The following HID1 variants were observed in gnomAD, a reference collection of about 807,000 sequenced individuals.
HID1 encodes the protein protein HID1.
Under a neutral mutation model 89.7 loss-of-function variants are expected in HID1, and 42 were observed. That is an observed-to-expected ratio of 0.47 (90% CI 0.37 to 0.61). HID1 has a LOEUF of 0.61. Ranked by LOEUF, HID1 falls within the 20% of genes least tolerant of loss-of-function variation. The probability of loss-of-function intolerance (pLI) is 0.00; values close to 1 mark genes in which losing one functional copy is unlikely to be tolerated. For synonymous variants in HID1, 442 were observed against 433.8 expected (o/e 1.02, Z -0.24); for missense variants, 854 against 1,039.3 (o/e 0.82, Z 2.45).
chr17:74,969,681 A>G (rs140321035), intron 1 of HID1, among the ~76,000 whole-genome samples: 3 of 152,106 alleles, frequency 2.0e-5, no homozygotes, highest in Admixed American at 6.5e-5. Flanking sequence ...AGCTCACCGT[A>G]ACCTTGAACT....
chr17:74,969,223 C>A (rs1393384351), intron 1 of HID1, among the ~76,000 whole-genome samples: 7 of 152,090 alleles, frequency 4.6e-5, no homozygotes, highest in Non-Finnish European at 1.0e-4. Context: ...GAGACCGAGT[C>A]TTGCTCTGTG....
At position 74,951,523 on chromosome 17, in the gene HID1, C is replaced by T. The variant is rs761504448; in HGVS notation, c.*47G>A. ...TGGTGGATGGGGGAAGCCTCAGGGA[C>T]CAAGGCCCTGCCTTCCCCTAGACTG... On this transcript the variant is annotated 3_prime_UTR_variant, in exon 19 of 19. Transcript: ENST00000425042. The T allele has an allele frequency of 1.9e-6, 3 of 1,555,796 alleles. No individual in the cohort carries two copies. In the South Asian group the frequency reaches 3.5e-5, roughly 18 times the overall value.
At position 74,959,774 on chromosome 17, in the gene HID1, G is replaced by T; in HGVS notation, c.1008+107C>A. ...CACTATTTCACCTAGGGTGGCCCCA[G>T]CCCACAGAGAGCATGGTTCCTTCAT... On this transcript the variant is annotated intron_variant, in intron 8 of 18. Transcript: ENST00000425042. This position sits in a 1 kb window ranked among gnomAD's most constrained non-coding sequence, Gnocchi z 4.6. The T allele has an allele frequency of 1.6e-6, 2 of 1,227,836 alleles. No homozygotes were observed. Among genetic ancestry groups the T allele is most frequent in the Non-Finnish European group, 2.4e-6 (2 of 845,610 alleles). 76.1% of individuals were successfully genotyped at this position (1,227,836 alleles called of 1,614,324 possible).
In HID1 at chr17:74,951,331, C is replaced by G. The variant is rs1224621590; in HGVS notation, c.*239G>C. 1 of 579,484 alleles carries G rather than the reference C, an allele frequency of 1.7e-6. No homozygotes were observed. The highest frequency in any genetic ancestry group is 3.1e-6 in the Non-Finnish European group (1 of 326,100). 35.9% of individuals were successfully genotyped at this position (579,484 alleles called of 1,614,324 possible). On this transcript the variant is annotated 3_prime_UTR_variant, in exon 19 of 19. Coordinates refer to ENST00000425042, the MANE Select transcript of HID1 (RefSeq NM_030630.3). ...GTCCGAGTGTTGGGGGCAGTGGTCT[C>G]TGGTGGGGGCATAGCCCCAGAGATG...
Position 74,960,130 on chromosome 17 carries a change from C to T in HID1, c.847G>A (p.Glu283Lys). ...GTGACAATGAGCACCTGGGCAGCCT[C>T]CTCCACCAGGGGTTCCCGGTAGTCA... ...FSDYREPLVE[E>K]AAQVLIVTLD... The change falls in exon 7 of 19, where the codon GAG becomes AAG. Residue 283 changes from glutamate (E) to lysine (K), a missense_variant. Physicochemically the swap from Glu to Lys is moderately conservative, Grantham distance 56 (BLOSUM62 1). Transcript: ENST00000425042. 6.2e-7 allele frequency: 1 copy of T among 1,614,066 alleles called. No homozygotes were observed. The highest frequency in any genetic ancestry group is 8.5e-7 in the Non-Finnish European group (1 of 1,180,042).
At chr17:74,954,765 C>A in intron 13 of HID1, 1 of 267,930 alleles carries the variant, frequency 3.7e-6, no homozygotes, top group South Asian at 3.8e-5. Context: ...ACAGAGGATC[C>A]GTCCATCCCC....
At position 74,958,368 on chromosome 17, in the gene HID1, T is replaced by C; in HGVS notation, c.1351A>G (p.Ile451Val). The change falls in exon 11 of 19, where the codon ATC becomes GTC. Residue 451 changes from isoleucine (I) to valine (V), a missense_variant. Coordinates refer to ENST00000425042, the MANE Select transcript of HID1 (RefSeq NM_030630.3). The surrounding 1 kb of genome is among the most constrained non-coding windows in gnomAD (Gnocchi z 5.2). ...KPYSIRVPMDIPVFTGTHADL... is the reference protein window; with the variant it reads ...KPYSIRVPMDVPVFTGTHADL... ...GCGTGGGTCCCTGTGAAGACTGGGA[T>C]GTCCATGGGCACGCGGATTGAGTAG... 1.2e-6 allele frequency: 2 copies of C among 1,613,206 alleles called. No individual in the cohort carries two copies. The highest frequency in any genetic ancestry group is 1.3e-5 in the African/African-American group (1 of 75,026).
At chr17:74,969,477 C>T (rs1002559433) in intron 1 of HID1, among the ~76,000 whole-genome samples, 3 of 152,194 alleles carry the variant, frequency 2.0e-5, no homozygotes, top group African/African-American at 2.4e-5. Flanking sequence ...TGAGCCACCG[C>T]ACCTAGCCAA....
At chr17:74,965,254 A>G (rs2039544737) in intron 1 of HID1, among the ~76,000 whole-genome samples, 1 of 151,658 alleles carries the variant, frequency 6.6e-6, no homozygotes, top group Non-Finnish European at 1.5e-5. Flanking sequence ...ACCTCTTTCA[A>G]CCCTGCCTCT....
chr17:74,952,222 A>G (rs1396091647), intron 17 of HID1, 47 bp downstream of exon 17: 1 of 1,560,952 alleles, frequency 6.4e-7, no homozygotes, highest in East Asian at 2.3e-5. Flanking sequence ...CCCGCCCACA[A>G]CCCCGGCCCC....
In HID1 at chr17:74,966,939, T is replaced by A. The variant is rs183551821; in HGVS notation, c.67-2307A>T. ...AAGCCTGGGCAACAGAGCAAGACTC[T>A]GTCTCAAAAAAGTAATAATGGCCAG... On this transcript the variant is annotated intron_variant, in intron 1 of 18. Coordinates refer to ENST00000425042, the MANE Select transcript of HID1 (RefSeq NM_030630.3). Among the ~76,000 whole-genome samples the A allele has an allele frequency of 6.5e-4, 99 of 151,942 alleles. 1 individual carries two copies. The highest frequency in any genetic ancestry group is 2.3e-3 in the African/African-American group (96 of 41,418).
rs2144811157 is a variant in HID1, at chr17:74,959,280, C to T, written c.1009-229G>A. 6.6e-6 allele frequency among the ~76,000 whole-genome samples: 1 copy of T among 152,290 alleles called. No individual in the cohort carries two copies. The highest frequency in any genetic ancestry group is 2.4e-5 in the African/African-American group (1 of 41,544). On this transcript the variant is annotated intron_variant, in intron 8 of 18. Coordinates refer to ENST00000425042, the MANE Select transcript of HID1 (RefSeq NM_030630.3). The surrounding 1 kb of genome is among the most constrained non-coding windows in gnomAD (Gnocchi z 4.6). ...TGGCCCCTCCACTAGACTGCAGACTCTCTGTCCTTGGGCTGTGCGCCCCTT... is the reference window on the plus strand; with the variant it reads ...TGGCCCCTCCACTAGACTGCAGACTTTCTGTCCTTGGGCTGTGCGCCCCTT...
At chr17:74,953,135 G>A (rs770358258) in intron 15 of HID1, 49 bp from the exon 16 acceptor site, 9 of 1,416,834 alleles carry the variant, frequency 6.4e-6, no homozygotes, top group Non-Finnish European at 8.7e-6. Context: ...GGTGGGTGAG[G>A]GGTGGAGTGG....
In HID1 at chr17:74,972,336, G is replaced by T. The variant is rs976288924; in HGVS notation, c.66+255C>A. ...TCGCCGGCTCGGGGAGTAGGCACAC[G>T]TCAGCCTAAGGTGGCAGCAGCGGCT... is the stretch of plus-strand genomic sequence containing the variant. On this transcript the variant is annotated intron_variant, in intron 1 of 18. Transcript: ENST00000425042. The surrounding 1 kb of genome is among the most constrained non-coding windows in gnomAD (Gnocchi z 6.4). Among the ~76,000 whole-genome samples, 16 of 152,178 alleles carry T rather than the reference G, an allele frequency of 1.1e-4. No homozygotes were observed. The highest frequency in any genetic ancestry group is 3.4e-4 in the African/African-American group (14 of 41,440).
chr17:74,958,196 G>A lies in HID1; in HGVS notation c.1416C>T (p.Ser472=), dbSNP rs368159183. The change falls in exon 12 of 19, where the codon AGC becomes AGT. Residue 472 remains serine, a synonymous_variant. Coordinates refer to ENST00000425042, the MANE Select transcript of HID1 (RefSeq NM_030630.3). The surrounding 1 kb of genome is among the most constrained non-coding windows in gnomAD (Gnocchi z 5.2). ...AGAGGGGCTGCAACCGCTGGTGCCCGCTGGTGATGATCTTGTGGAACACCT... is the reference window on the plus strand; with the variant it reads ...AGAGGGGCTGCAACCGCTGGTGCCCACTGGTGATGATCTTGTGGAACACCT... The part of the protein sequence containing the change: ...LIVVFHKIIT[S]GHQRLQPLFD... 3.6e-5 allele frequency: 58 copies of A among 1,611,140 alleles called. No individual in the cohort carries two copies. The African/African-American group carries it at 5.9e-4, about 16-fold the overall frequency.
At chr17:74,955,752 T>G in intron 13 of HID1, 40 bp downstream of exon 13, 1 of 1,601,462 alleles carries the variant, frequency 6.2e-7, no homozygotes, top group South Asian at 1.1e-5. Context: ...GTAGGCCCGC[T>G]GGCCACCCTG....
rs193195378 is a variant in HID1, at chr17:74,963,683, C to T, written c.387+57G>A. 869 of 1,499,548 alleles carry T rather than the reference C, an allele frequency of 5.8e-4. 4 individuals are homozygous for T. The Middle Eastern group carries it at 0.012, about 20-fold the overall frequency. The allele number at this position is 1,499,548 out of a possible 1,614,324, so 92.9% of individuals were successfully genotyped here. A position where few individuals can be genotyped will look rare whatever the true frequency, so the allele number is the denominator to read the frequency against. ...GAGGAGCATGGCCGGCCCTAAAGGG[C>T]GCTCTCCCTGTGACGCCAACTCTGC... On this transcript the variant is annotated intron_variant, in intron 3 of 18. Coordinates refer to ENST00000425042, the MANE Select transcript of HID1 (RefSeq NM_030630.3).
rs1457842910 is a variant in HID1, at chr17:74,963,829, G to A, written c.298C>T (p.Leu100=). Residue 100 remains leucine, a synonymous_variant, in exon 3 of 19, where the codon CTG becomes TTG. Transcript: ENST00000425042. ...ATGTAGGGCAGCACGCGGGTGAGCA[G>A]CCGGCTGCAGTTCAGGACGATCTGC... The part of the protein sequence containing the change: ...EKQIVLNCSR[L]LTRVLPYIFE... 39 of 1,613,998 alleles carry A rather than the reference G, an allele frequency of 2.4e-5. No individual in the cohort carries two copies. The highest frequency in any genetic ancestry group is 3.1e-5 in the Non-Finnish European group (36 of 1,180,024).
intron 6 of HID1, among the ~76,000 whole-genome samples, chr17:74,960,634 A>T (rs2039464976): frequency 6.6e-6 from 1 of 152,186 alleles, no homozygotes; most frequent in African/African-American, 2.4e-5. Context: ...AGACCCAGAG[A>T]GGTTAAGTGA....
Sources: gnomAD v4.1 joint callset for allele counts (sites outside exome capture counted in the v4.1 genomes callset) on GRCh38, gnomAD v4.1.1 for gene constraint, Gnocchi (gnomAD v3.1) non-coding constraint, MANE v1.5 for transcripts, NCBI Gene and HGNC (gene_info 2026-07-23, HGNC 2026-07-21) for gene names.